The following ABCA6 variants were observed in gnomAD, a reference collection of about 807,000 sequenced individuals.
ABCA6 encodes the protein ATP-binding cassette sub-family A member 6.
ABCA6 carries 164 observed loss-of-function variants against 191.2 expected under a neutral mutation model. That is an observed-to-expected ratio of 0.86 (90% confidence interval 0.76 to 0.98). The LOEUF (loss-of-function observed/expected upper bound fraction) is 0.98, where lower values mean the gene tolerates loss of function less well. Among genes scored for constraint, ABCA6 ranks in the 50% least tolerant of loss-of-function variants. The pLI, the probability that ABCA6 is intolerant of heterozygous loss-of-function variation, is 0.00. For missense variants in ABCA6, 1,958 were observed against 1,894.1 expected (o/e 1.03, Z -0.63); for synonymous variants, 636 against 647.7 (o/e 0.98, Z 0.27).
chr17:69,113,952 T>G (rs1211794969), intron 13 of ABCA6, among the ~76,000 whole-genome samples: 1 of 152,108 alleles, frequency 6.6e-6, no homozygotes, highest in Admixed American at 6.6e-5. Context: ...AGGAACATTT[T>G]TACACTGTTG....
rs143558844 is a variant in ABCA6, at chr17:69,107,894, C to T, written c.2273-82G>A. On this transcript the variant is annotated intron_variant, in intron 17 of 38. Coordinates refer to ENST00000284425, the MANE Select transcript of ABCA6 (RefSeq NM_080284.3). ...AGTAAATTAATACTTATTTAAAAGA[C>T]AATACATAATATTGTTAAGAAAATT... 6.0e-3 allele frequency: 5,101 copies of T among 845,964 alleles called. 28 individuals are homozygous for T. Among genetic ancestry groups the T allele is most frequent in the Non-Finnish European group, 8.7e-3 (4,612 of 528,574 alleles). 52.4% of individuals were successfully genotyped at this position (845,964 alleles called of 1,614,324 possible).
At chr17:69,127,240 A>T (rs371616872) in intron 8 of ABCA6, among the ~76,000 whole-genome samples, 9 of 152,172 alleles carry the variant, frequency 5.9e-5, no homozygotes, top group Admixed American at 5.9e-4. Context: ...GTAGGCAATG[A>T]TTCCTTACAT....
chr17:69,078,955 A>G lies in ABCA6; in HGVS notation c.*18T>C. The G allele has an allele frequency of 2.0e-6, 3 of 1,536,672 alleles. No individual in the cohort carries two copies. Among genetic ancestry groups the G allele is most frequent in the Non-Finnish European group, 2.7e-6 (3 of 1,127,076 alleles). ...TGAGTTTATAGGAGATCAACAAAAA[A>G]TTACTAGGTTTGAGGTTTTAAGGTT... On this transcript the variant is annotated 3_prime_UTR_variant, in exon 39 of 39. Transcript: ENST00000284425.
chr17:69,127,969 C>T (rs2073783685), intron 8 of ABCA6, among the ~76,000 whole-genome samples: 1 of 152,048 alleles, frequency 6.6e-6, no homozygotes, highest in Non-Finnish European at 1.5e-5. Context: ...CACCTAAAAA[C>T]GTCATGTTGA....
intron 34 of ABCA6, among the ~76,000 whole-genome samples, chr17:69,083,735 G>A (rs1417727637): frequency 6.6e-6 from 1 of 152,148 alleles, no homozygotes; most frequent in Admixed American, 6.5e-5. Context: ...CCATAACAAA[G>A]TTTTTGTTAA....
At chr17:69,117,400 T>C (rs997347866) in intron 11 of ABCA6, among the ~76,000 whole-genome samples, 1 of 152,064 alleles carries the variant, frequency 6.6e-6, no homozygotes, top group Non-Finnish European at 1.5e-5. Context: ...TAGAAAACTG[T>C]ATGTTAGAAT....
At chr17:69,125,676 G>A (rs994652258) in intron 8 of ABCA6, among the ~76,000 whole-genome samples, 2 of 151,996 alleles carry the variant, frequency 1.3e-5, no homozygotes, top group African/African-American at 4.8e-5. Flanking sequence ...TACTCTTAGG[G>A]CCAGTTCCTT....
At chr17:69,081,384 C>A (rs1019025536) in intron 36 of ABCA6, among the ~76,000 whole-genome samples, 1 of 152,232 alleles carries the variant, frequency 6.6e-6, no homozygotes, top group Admixed American at 6.5e-5. Flanking sequence ...TTATGCAAAA[C>A]CTTTGCGTGT....
At chr17:69,134,271 G>A (rs887773405) in intron 5 of ABCA6, among the ~76,000 whole-genome samples, 18 of 152,244 alleles carry the variant, frequency 1.2e-4, no homozygotes, top group South Asian at 4.2e-4. Context: ...ATGGTATTAG[G>A]AGGGAGAGCC....
At chr17:69,090,071 AG>A (rs1443900005) in intron 26 of ABCA6, among the ~76,000 whole-genome samples, 1 of 152,232 alleles carries the variant, frequency 6.6e-6, no homozygotes, top group Non-Finnish European at 1.5e-5. Context: ...AATACATGAC[AG>A]ATCAAGATGA....
chr17:69,117,845 T>C, intron 11 of ABCA6, 53 bp downstream of exon 11: 7 of 1,346,516 alleles, frequency 5.2e-6, no homozygotes, highest in Non-Finnish European at 6.2e-6. Context: ...GTTTCCCTTT[T>C]TTATAATAAA....
chr17:69,126,419 G>A (rs1204585393), intron 8 of ABCA6, among the ~76,000 whole-genome samples: 1 of 152,142 alleles, frequency 6.6e-6, no homozygotes, highest in East Asian at 1.9e-4. Context: ...GCTGAGTTGG[G>A]AGGATCGCTT....
intron 4 of ABCA6, chr17:69,135,133 G>T (rs909382285): frequency 6.2e-5 from 11 of 177,100 alleles, no homozygotes; most frequent in South Asian, 4.0e-4. Flanking sequence ...CGTGCACCTC[G>T]GCCTCTCAAA....
In ABCA6 at chr17:69,087,452, A is replaced by C; in HGVS notation, c.3720T>G (p.Asp1240Glu). ...TGGGTTCTTCTGGATTTGGCTTAGC[A>C]TCTCTACTTTGGGGGGAAATTCTAT... ...PVFRISPQSR[D>E]AKPNPEEPID... is the part of the protein sequence containing the mutation. The change falls in exon 29 of 39, where the codon GAT (aspartate) becomes GAG (glutamate). Residue 1240 changes from aspartate to glutamate, a missense_variant. Coordinates refer to ENST00000284425, the MANE Select transcript of ABCA6 (RefSeq NM_080284.3). 1 of 1,613,870 alleles carries C rather than the reference A, an allele frequency of 6.2e-7. No homozygotes were observed. The highest frequency in any genetic ancestry group is 8.5e-7 in the Non-Finnish European group (1 of 1,179,840).
chr17:69,079,306 C>A lies in ABCA6; in HGVS notation c.4697-41G>T, dbSNP rs367699644. 2.4e-5 allele frequency: 35 copies of A among 1,471,522 alleles called. No individual in the cohort carries two copies. In the East Asian group the frequency reaches 4.9e-4, roughly 20 times the overall value. The allele number at this position is 1,471,522 out of a possible 1,614,324, so 91.2% of individuals were successfully genotyped here. On this transcript the variant is annotated intron_variant, in intron 37 of 38. Coordinates refer to ENST00000284425, the MANE Select transcript of ABCA6 (RefSeq NM_080284.3). ...GACTAGTATTAATAGTAGATGCTTA[C>A]AATTTATTACCAAGAATTTTTTCAA...
At chr17:69,125,313 T>G (rs545742679) in intron 8 of ABCA6, among the ~76,000 whole-genome samples, 3 of 151,996 alleles carry the variant, frequency 2.0e-5, no homozygotes, top group Non-Finnish European at 4.4e-5. Context: ...ATTGCAGTAT[T>G]ACAAATATCT....
At chr17:69,115,341 G>T (rs1373441641) in intron 12 of ABCA6, 35 bp downstream of exon 12, 1 of 1,494,564 alleles carries the variant, frequency 6.7e-7, no homozygotes, top group Non-Finnish European at 9.2e-7. Flanking sequence ...TCTATTATAA[G>T]ACATCTTGCC....
chr17:69,137,718 T>C (rs1292567794), intron 2 of ABCA6, among the ~76,000 whole-genome samples: 1 of 152,104 alleles, frequency 6.6e-6, no homozygotes, highest in Non-Finnish European at 1.5e-5. Context: ...AACTTTTGCA[T>C]TAAATCATGA....
At chr17:69,141,196 C>A (rs571486070) in intron 1 of ABCA6, among the ~76,000 whole-genome samples, 3 of 152,078 alleles carry the variant, frequency 2.0e-5, no homozygotes, top group Admixed American at 6.6e-5. Flanking sequence ...CTAGATACAA[C>A]CTCAATAAAG....
Sources: allele counts gnomAD v4.1 joint callset (sites outside exome capture counted in the v4.1 genomes callset), GRCh38; gene constraint gnomAD v4.1.1; transcripts MANE v1.5; gene names NCBI Gene and HGNC (gene_info 2026-07-23, HGNC 2026-07-21).